The following PAX5 variants were observed in gnomAD, a reference collection of about 807,000 sequenced individuals.
PAX5 encodes the protein paired box 5, also known as paired box protein Pax-5.
Under a neutral mutation model 43.7 loss-of-function variants are expected in PAX5, and 9 were observed. That is an observed-to-expected ratio of 0.21 (90% CI 0.12 to 0.36). The LOEUF (loss-of-function observed/expected upper bound fraction) is 0.36, where lower values mean the gene tolerates loss of function less well. PAX5 is among the 10% of genes least tolerant of loss of function. The pLI is 1.00. For missense variants in PAX5, 383 were observed against 532.7 expected (o/e 0.72, Z 2.77); for synonymous variants, 228 against 214.3 (o/e 1.06, Z -0.56).
intron 7 of PAX5, among the ~76,000 whole-genome samples, chr9:36,909,459 T>C (rs569209900): frequency 6.6e-6 from 1 of 152,250 alleles, no homozygotes; most frequent in South Asian, 2.1e-4. Context: ...CCCAGGCAGG[T>C]AGAATAGCTT....
intron 8 of PAX5, 79 bp from the exon 9 acceptor site, chr9:36,847,008 C>T: frequency 2.0e-6 from 2 of 1,017,198 alleles, no homozygotes; most frequent in Non-Finnish European, 3.0e-6. Context: ...CCCAGCCAGC[C>T]TGGTTGCCAA....
chr9:36,920,366 A>G (rs530152479), intron 7 of PAX5, among the ~76,000 whole-genome samples: 1 of 152,176 alleles, frequency 6.6e-6, no homozygotes, highest in East Asian at 1.9e-4. Context: ...ATCATTGTCT[A>G]TTTTAAGAAA....
intron 8 of PAX5, 71 bp downstream of exon 8, chr9:36,881,933 T>TGGG: frequency 9.0e-7 from 1 of 1,108,450 alleles, no homozygotes; most frequent in Non-Finnish European, 1.3e-6. Context: ...CCAGGCTGTT[T>TGGG]GGGGGGGGAT....
At chr9:37,019,900 A>G (rs1232500347) in intron 2 of PAX5, among the ~76,000 whole-genome samples, 1 of 152,170 alleles carries the variant, frequency 6.6e-6, no homozygotes, top group Non-Finnish European at 1.5e-5. Flanking sequence ...TGTGTCAGTC[A>G]CTTTGCCTGT....
chr9:36,905,304 T>C (rs1407168331), intron 7 of PAX5, among the ~76,000 whole-genome samples: 1 of 152,228 alleles, frequency 6.6e-6, no homozygotes, highest in East Asian at 1.9e-4. Flanking sequence ...TTCTGGGCCA[T>C]TGTCACACAC....
At chr9:36,918,840 C>T (rs1172088478) in intron 7 of PAX5, among the ~76,000 whole-genome samples, 1 of 152,216 alleles carries the variant, frequency 6.6e-6, no homozygotes, top group Non-Finnish European at 1.5e-5. Context: ...AAGAAGCCAT[C>T]TCCATAACAC....
Position 37,015,137 on chromosome 9 carries a change from G to A in PAX5, c.270C>T (p.Val90=), listed in dbSNP as rs371493752. ...PGVIGGSKPK[V]ATPKVVEKIA... is the part of the protein sequence containing the mutation. Reference sequence around the variant, plus strand: ...TTTTTTCCACCACTTTGGGTGTGGCGACCTTTGGTTTGGATCCTCCAATTA... The same window carrying A: ...TTTTTTCCACCACTTTGGGTGTGGCAACCTTTGGTTTGGATCCTCCAATTA... The change falls in exon 3 of 10, where the codon GTC becomes GTT. Residue 90 remains valine (V), a synonymous_variant. Transcript: ENST00000358127. The surrounding 1 kb of genome is among the most constrained non-coding windows in gnomAD (Gnocchi z 4.4). 1 of 1,614,136 alleles carries A rather than the reference G, an allele frequency of 6.2e-7. No individual in the cohort carries two copies. The highest frequency in any genetic ancestry group is 2.2e-5 in the East Asian group (1 of 44,886).
intron 9 of PAX5, among the ~76,000 whole-genome samples, chr9:36,845,326 G>C (rs971312270): frequency 7.2e-5 from 11 of 152,216 alleles, no homozygotes; most frequent in African/African-American, 2.4e-4. Flanking sequence ...CTGGTTCAGG[G>C]AGCCCACAGC....
chr9:36,881,013 C>T (rs1001264847), intron 8 of PAX5, among the ~76,000 whole-genome samples: 6 of 152,186 alleles, frequency 3.9e-5, no homozygotes, highest in Non-Finnish European at 5.9e-5. Context: ...AGCATGGTGA[C>T]TATAGTCAGT....
chr9:36,858,587 C>A (rs762249296), intron 8 of PAX5, among the ~76,000 whole-genome samples: 10 of 152,160 alleles, frequency 6.6e-5, no homozygotes, highest in Non-Finnish European at 1.2e-4. Context: ...GAGGCTTTTT[C>A]TGTGTTTGGG....
chr9:36,933,440 G>A (rs1321252260), intron 6 of PAX5, among the ~76,000 whole-genome samples: 2 of 152,210 alleles, frequency 1.3e-5, no homozygotes, highest in Non-Finnish European at 2.9e-5. Context: ...GCACTTTCCA[G>A]TTTGCAAAGT....
At position 37,015,609 on chromosome 9, in the gene PAX5, C is replaced by T. The variant is rs1201905747; in HGVS notation, c.213-415G>A. 1.3e-5 allele frequency among the ~76,000 whole-genome samples: 2 copies of T among 148,276 alleles called. No homozygotes were observed. The highest frequency in any genetic ancestry group is 3.0e-5 in the Non-Finnish European group (2 of 67,474). ...TTTTTTTTTTTTTCAGACGGAGTTTCGCTCTTGTTGCCCAGGCTGGAATGC... is the reference window on the plus strand; with the variant it reads ...TTTTTTTTTTTTTCAGACGGAGTTTTGCTCTTGTTGCCCAGGCTGGAATGC... On this transcript the variant is annotated intron_variant, in intron 2 of 9. Coordinates refer to ENST00000358127, the MANE Select transcript of PAX5 (RefSeq NM_016734.3). The surrounding 1 kb of genome is among the most constrained non-coding windows in gnomAD (Gnocchi z 4.4).
chr9:36,913,925 C>T (rs932026177), intron 7 of PAX5, among the ~76,000 whole-genome samples: 1 of 152,148 alleles, frequency 6.6e-6, no homozygotes, highest in Non-Finnish European at 1.5e-5. Flanking sequence ...TCAGCACATC[C>T]GCTAACACAG....
At chr9:37,006,626 A>G in intron 3 of PAX5, 89 bp from the exon 4 acceptor site, 1 of 1,030,424 alleles carries the variant, frequency 9.7e-7, no homozygotes, top group Non-Finnish European at 1.5e-6. Context: ...CAGAAAACTC[A>G]TACCCAAGCT....
At chr9:36,966,388 T>A (rs1388849798) in intron 6 of PAX5, among the ~76,000 whole-genome samples, 161 bp downstream of exon 6, 3 of 152,202 alleles carry the variant, frequency 2.0e-5, no homozygotes. Context: ...CCTTATAGGA[T>A]GTAGCGACTG....
rs576653546 is a variant in PAX5, at chr9:37,034,098, C to CTTTTTTTTTTTTTTTTTTTTTTTTTT, written c.-93_-68dup. 54 of 320,056 alleles carry CTTTTTTTTTTTTTTTTTTTTTTTTTT rather than the reference C, an allele frequency of 1.7e-4. No individual in the cohort carries two copies. Among genetic ancestry groups the CTTTTTTTTTTTTTTTTTTTTTTTTTT allele is most frequent in the African/African-American group, 1.1e-3 (26 of 23,188 alleles). 19.8% of individuals were successfully genotyped at this position (320,056 alleles called of 1,614,324 possible). On this transcript the variant is annotated 5_prime_UTR_variant, in exon 1 of 10. Transcript: ENST00000358127. ...TCCACTTTTTTGTGCCTTTTTTTTT[C>CTTTTTTTTTTTTTTTTTTTTTTTTTT]TTTTTTTTTTTTTTTTTTTTTTTTT...
In PAX5 at chr9:36,981,486, C is replaced by T. The variant is rs57111471; in HGVS notation, c.605-14762G>A. Among the ~76,000 whole-genome samples the T allele has an allele frequency of 6.6e-3, 994 of 150,166 alleles. 10 individuals are homozygous for T. Among genetic ancestry groups the T allele is most frequent in the African/African-American group, 0.023 (930 of 40,900 alleles). On this transcript the variant is annotated intron_variant, in intron 5 of 9. Coordinates refer to ENST00000358127, the MANE Select transcript of PAX5 (RefSeq NM_016734.3). ...CAAAGGAGAAGGGAGACAGCTGCTC[C>T]GGTGTGACCTCCTACTGGGAAATAG...
intron 8 of PAX5, among the ~76,000 whole-genome samples, chr9:36,873,242 T>A (rs980526315): frequency 3.9e-5 from 6 of 152,248 alleles, no homozygotes; most frequent in African/African-American, 7.2e-5. Context: ...ACATCAGGAT[T>A]TTTTTATATC....
At chr9:36,921,836 C>T (rs1294909103) in intron 7 of PAX5, among the ~76,000 whole-genome samples, 1 of 152,220 alleles carries the variant, frequency 6.6e-6, no homozygotes, top group Non-Finnish European at 1.5e-5. Context: ...AAGCCACCGC[C>T]CCTCCCTGAG....
Sources: gnomAD v4.1 joint callset for allele counts (sites outside exome capture counted in the v4.1 genomes callset) on GRCh38, gnomAD v4.1.1 for gene constraint, Gnocchi (gnomAD v3.1) non-coding constraint, MANE v1.5 for transcripts, NCBI Gene and HGNC (gene_info 2026-07-23, HGNC 2026-07-21) for gene names.